The following RAB6B variants were observed in gnomAD, a reference collection of about 807,000 sequenced individuals.
The protein encoded by RAB6B is RAB6B, member RAS oncogene family.
In RAB6B, 7 loss-of-function variants were observed where a neutral mutation model predicts 31.2. The observed-to-expected ratio is 0.22, with a 90% CI of 0.13 to 0.42. The LOEUF (loss-of-function observed/expected upper bound fraction) is 0.42. RAB6B is among the 10% of genes least tolerant of loss of function. The probability of loss-of-function intolerance (pLI) is 1.00; values close to 1 mark genes in which losing one functional copy is unlikely to be tolerated. For synonymous variants in RAB6B, 105 were observed against 104.9 expected (o/e 1.00, Z -0.01); for missense variants, 149 against 280.6 (o/e 0.53, Z 3.35).
intron 1 of RAB6B, among the ~76,000 whole-genome samples, chr3:133,884,688 G>A (rs774812373): frequency 2.6e-5 from 4 of 152,258 alleles, no homozygotes; most frequent in Non-Finnish European, 5.9e-5. Context: ...AGAGGACGGG[G>A]GTGCTCACAC....
chr3:133,833,791 T>C (rs1282735665), intron 7 of RAB6B, among the ~76,000 whole-genome samples: 3 of 152,140 alleles, frequency 2.0e-5, no homozygotes, highest in African/African-American at 4.8e-5. Flanking sequence ...GCTTGTTTTC[T>C]GGTGGCTTAC....
chr3:133,882,290 C>G (rs1488419162), intron 1 of RAB6B, among the ~76,000 whole-genome samples: 1 of 152,224 alleles, frequency 6.6e-6, no homozygotes, highest in African/African-American at 2.4e-5. Flanking sequence ...ACCTTTGAAC[C>G]TTTGCCGTAC....
chr3:133,839,111 C>G (rs757172460), intron 5 of RAB6B, among the ~76,000 whole-genome samples: 1 of 152,360 alleles, frequency 6.6e-6, no homozygotes, highest in South Asian at 2.1e-4. Flanking sequence ...CACAGCCCCA[C>G]GCACATTGGT....
intron 1 of RAB6B, 111 bp from the exon 2 acceptor site, chr3:133,864,753 C>G: frequency 9.3e-7 from 1 of 1,073,588 alleles, no homozygotes; most frequent in Non-Finnish European, 1.4e-6. Context: ...AGGGGAAAGG[C>G]CGAGTTGCAG....
chr3:133,887,720 A>G (rs1162805393), intron 1 of RAB6B, among the ~76,000 whole-genome samples: 1 of 152,178 alleles, frequency 6.6e-6, no homozygotes, highest in Non-Finnish European at 1.5e-5. Flanking sequence ...CAGGGTCTTC[A>G]GGGCCCTGGT....
chr3:133,856,916 G>C (rs1000613274), intron 2 of RAB6B, among the ~76,000 whole-genome samples: 1 of 152,056 alleles, frequency 6.6e-6, no homozygotes, highest in Non-Finnish European at 1.5e-5. Context: ...AGAACATAAT[G>C]TCTGCAAAAA....
In RAB6B at chr3:133,824,361, C is replaced by T. The variant is rs1935522292; in HGVS notation, c.*4427G>A. On this transcript the variant is annotated 3_prime_UTR_variant, in exon 8 of 8. Coordinates refer to ENST00000285208, the MANE Select transcript of RAB6B (RefSeq NM_016577.4). ...CTGAGCCCATAACAGATGGAATTGC[C>T]ACCCTCTGTGCTCCTCACAGCCAAT... The T allele has an allele frequency of 6.6e-6, 1 of 152,182 alleles. No homozygotes were observed. The highest frequency in any genetic ancestry group is 2.4e-5 in the African/African-American group (1 of 41,442). The allele number at this position is 152,182 out of a possible 1,614,324, so 9.4% of individuals were successfully genotyped here.
At chr3:133,840,817 G>A (rs538020255) in intron 4 of RAB6B, among the ~76,000 whole-genome samples, 5 of 152,140 alleles carry the variant, frequency 3.3e-5, no homozygotes, top group Admixed American at 6.5e-5. Context: ...AGCCTACTGC[G>A]CTTCCAGACC....
intron 1 of RAB6B, among the ~76,000 whole-genome samples, chr3:133,869,288 A>T (rs1936284068): frequency 6.6e-6 from 1 of 152,242 alleles, no homozygotes; most frequent in African/African-American, 2.4e-5. Context: ...ACAGTGTGTG[A>T]GGAAGAGTGA....
intron 1 of RAB6B, among the ~76,000 whole-genome samples, chr3:133,893,297 T>C (rs1454514035): frequency 6.6e-6 from 1 of 152,162 alleles, no homozygotes; most frequent in Non-Finnish European, 1.5e-5. Context: ...AAATGAGAGG[T>C]GGGGCTCCAG....
chr3:133,841,602 G>T lies in RAB6B; in HGVS notation c.183+8C>A. 6.8e-6 allele frequency: 11 copies of T among 1,613,738 alleles called. No homozygotes were observed. In the South Asian group the frequency reaches 1.2e-4, roughly 18 times the overall value. ...CTGCCCCTCCCAGTCCTGATATTAG[G>T]TGCTCACCGTGCGGTCCTCCAAGTA... On this transcript the variant is annotated splice_region_variant and intron_variant, in intron 3 of 7. Transcript: ENST00000285208.
At chr3:133,833,922 A>G (rs1325123124) in intron 7 of RAB6B, among the ~76,000 whole-genome samples, 1 of 152,190 alleles carries the variant, frequency 6.6e-6, no homozygotes, top group African/African-American at 2.4e-5. Context: ...TCCCACATGG[A>G]ATAGGGCTGG....
At chr3:133,832,842 G>A (rs1365218703) in intron 7 of RAB6B, among the ~76,000 whole-genome samples, 2 of 152,178 alleles carry the variant, frequency 1.3e-5, no homozygotes, top group Non-Finnish European at 2.9e-5. Flanking sequence ...TCTCCCAAGG[G>A]GCCCAAAGGT....
Position 133,895,432 on chromosome 3 carries a change from C to T in RAB6B, c.35G>A (p.Arg12Lys). 6.2e-7 allele frequency: 1 copy of T among 1,611,218 alleles called. No individual in the cohort carries two copies. Among genetic ancestry groups the T allele is most frequent in the Non-Finnish European group, 8.5e-7 (1 of 1,178,806 alleles). The change falls in exon 1 of 8, where the codon AGA (arginine) becomes AAA (lysine). Residue 12 changes from arginine (R) to lysine (K), a missense_variant. By Grantham distance (26) the Arg-to-Lys change is conservative. This residue lies in a region of RAB6B where 75 missense variants were observed against 180.1 expected (regional missense o/e 0.42). Coordinates refer to ENST00000285208, the MANE Select transcript of RAB6B (RefSeq NM_016577.4). Reference sequence around the variant, plus strand: ...CCCCAAGAACACCAACTTGAATTTTCTCAGTGGATTCCCAAAATCTCCCCC... The same window carrying T: ...CCCCAAGAACACCAACTTGAATTTTTTCAGTGGATTCCCAAAATCTCCCCC... ...SAGGDFGNPL[R>K]KFKLVFLGEQ...
intron 6 of RAB6B, among the ~76,000 whole-genome samples, chr3:133,836,102 G>A (rs76501142): frequency 0.2 from 29,722 of 152,164 alleles, 3,152 homozygotes; most frequent in Non-Finnish European, 0.24. Context: ...TCACCCCAGA[G>A]CCCAGCCCCA....
chr3:133,864,239 C>T (rs574542673), intron 2 of RAB6B, among the ~76,000 whole-genome samples: 8 of 152,144 alleles, frequency 5.3e-5, no homozygotes, highest in South Asian at 2.1e-4. Flanking sequence ...GGCGCAAGTT[C>T]GCCTAACACT....
In RAB6B at chr3:133,827,827, C is replaced by G. The variant is rs555649442; in HGVS notation, c.*961G>C. 409 of 451,068 alleles carry G rather than the reference C, an allele frequency of 9.1e-4. 1 individual carries two copies. The highest frequency in any genetic ancestry group is 1.4e-3 in the Non-Finnish European group (323 of 232,972). The allele number at this position is 451,068 out of a possible 1,614,324, so 27.9% of individuals were successfully genotyped here. On this transcript the variant is annotated 3_prime_UTR_variant, in exon 8 of 8. Transcript: ENST00000285208. ...TCCCTGACATCCAGGAGGAAGGCTTCAGGATGGCACACTGCCCAACATCAC... is the reference window on the plus strand; with the variant it reads ...TCCCTGACATCCAGGAGGAAGGCTTGAGGATGGCACACTGCCCAACATCAC...
In RAB6B at chr3:133,827,853, A is replaced by G; in HGVS notation, c.*935T>C. On this transcript the variant is annotated 3_prime_UTR_variant, in exon 8 of 8. Transcript: ENST00000285208. ...AGGATGGCACACTGCCCAACATCAC[A>G]CACTGAGTTTCTTAGACTTGGCCCA... The G allele has an allele frequency of 1.5e-6, 1 of 648,446 alleles. No individual in the cohort carries two copies. Among genetic ancestry groups the G allele is most frequent in the Non-Finnish European group, 2.8e-6 (1 of 356,004 alleles). 40.2% of individuals were successfully genotyped at this position (648,446 alleles called of 1,614,324 possible).
rs1027169534 is a variant in RAB6B at position 133,865,076 on chromosome 3, T to C, written c.71-434A>G. On this transcript the variant is annotated intron_variant, in intron 1 of 7. Coordinates refer to ENST00000285208, the MANE Select transcript of RAB6B (RefSeq NM_016577.4). ...ATGGAAGCCTGCCCTTTATTTCCTG[T>C]TAATTCAGCCTGAAGATTGGTGGGG... 3.9e-5 allele frequency among the ~76,000 whole-genome samples: 6 copies of C among 152,384 alleles called. No homozygotes were observed. In the South Asian group the frequency reaches 1.2e-3, roughly 32 times the overall value.
Sources: gnomAD v4.1 joint callset for allele counts (sites outside exome capture counted in the v4.1 genomes callset) on GRCh38, gnomAD v4.1.1 for gene constraint, gnomAD v4.1.1 regional missense constraint, MANE v1.5 for transcripts, NCBI Gene and HGNC (gene_info 2026-07-23, HGNC 2026-07-21) for gene names.